Variants in SHANK2 observed in about 807,000 individuals in gnomAD.
SHANK2 encodes SH3 and multiple ankyrin repeat domains protein 2.
A neutral mutation model predicts 133.7 loss-of-function variants in SHANK2; 43 were observed. The ratio of observed to expected loss-of-function variants is 0.32; its 90% CI spans 0.25 to 0.41. SHANK2 has a LOEUF of 0.41. Among genes scored for constraint, SHANK2 ranks in the 10% least tolerant of loss-of-function variants. The pLI is 1.00. For synonymous variants in SHANK2, 1,017 were observed against 952.8 expected, an observed-to-expected ratio of 1.07 and a Z score of -1.24; for missense variants, 1,994 against 2,235.8, an observed-to-expected ratio of 0.89 and a Z score of 2.18.
chr11:70,829,065 C>A (rs116472148), intron 11 of SHANK2, among the ~76,000 whole-genome samples: 1 of 152,184 alleles, frequency 6.6e-6, no homozygotes, highest in Non-Finnish European at 1.5e-5. Flanking sequence ...GCTGCCTTGC[C>A]GGCCACGGAA....
At chr11:70,780,432 T>A (rs1041706569) in intron 14 of SHANK2, among the ~76,000 whole-genome samples, 2 of 151,492 alleles carry the variant, frequency 1.3e-5, no homozygotes, top group Non-Finnish European at 2.9e-5. Flanking sequence ...TCTAAATGAG[T>A]TTTTCCAAAT....
intron 14 of SHANK2, among the ~76,000 whole-genome samples, chr11:70,775,137 C>T (rs1243604379): frequency 5.3e-5 from 8 of 151,924 alleles, no homozygotes; most frequent in Admixed American, 1.3e-4. Context: ...CCAGTCTGGG[C>T]GACAAAGGCA....
In SHANK2 at chr11:70,473,334, G is replaced by A. The variant is rs2058620566; in HGVS notation, c.5085C>T (p.Pro1695=). The change falls in exon 26 of 26, where the codon CCC becomes CCT. Residue 1695 remains proline (P), a synonymous_variant. Transcript: ENST00000601538. This position sits in a 1 kb window ranked among gnomAD's most constrained non-coding sequence, Gnocchi z 5.9. ...SQPITLQSRP[P]DYESRTSGTR... ...TTCCTGAGGTCCTGCTTTCATAGTC[G>A]GGGGGCCGGCTCTGCAGGGTGATGG... The A allele has an allele frequency of 1.2e-6, 2 of 1,613,368 alleles. No homozygotes were observed. The highest frequency in any genetic ancestry group is 1.1e-5 in the South Asian group (1 of 91,078).
rs1953326745 is a variant in SHANK2, at chr11:71,172,134, TGCTAGGA to T, written c.-12-24803_-12-24797del. Among the ~76,000 whole-genome samples, 16 of 152,180 alleles carry T rather than the reference TGCTAGGA, an allele frequency of 1.1e-4. No homozygotes were observed. The South Asian group carries it at 3.3e-3, about 32-fold the overall frequency. Reference sequence around the variant, plus strand: ...CATGTAACCAAAAGGAGCAAACAATTGCTAGGATTTCCAACACAGTGATTCCCACCTG... The same window carrying T: ...CATGTAACCAAAAGGAGCAAACAATTTTTCCAACACAGTGATTCCCACCTG... On this transcript the variant is annotated intron_variant, in intron 2 of 25. Coordinates refer to ENST00000601538, the MANE Select transcript of SHANK2 (RefSeq NM_012309.5).
intron 14 of SHANK2, among the ~76,000 whole-genome samples, chr11:70,778,880 G>A (rs1319291528): frequency 2.6e-5 from 4 of 152,144 alleles, no homozygotes; most frequent in Non-Finnish European, 5.9e-5. Context: ...CCATGTCACT[G>A]CCCTTCTCTC....
Position 71,188,548 on chromosome 11 carries a change from G to T in SHANK2, c.-13+36149C>A, listed in dbSNP as rs574686642. On this transcript the variant is annotated intron_variant, in intron 2 of 25. Coordinates refer to ENST00000601538, the MANE Select transcript of SHANK2 (RefSeq NM_012309.5). The surrounding 1 kb of genome is among the most constrained non-coding windows in gnomAD (Gnocchi z 4.6). ...CACAGGAATACTGAGTAATTGAAAGGTGGAAATAAACGAGGCCCCATGAAT... is the reference window on the plus strand; with the variant it reads ...CACAGGAATACTGAGTAATTGAAAGTTGGAAATAAACGAGGCCCCATGAAT... Among the ~76,000 whole-genome samples, 34 of 152,366 alleles carry T rather than the reference G, an allele frequency of 2.2e-4. No homozygotes were observed. Among genetic ancestry groups the T allele is most frequent in the African/African-American group, 8.2e-4 (34 of 41,592 alleles).
intron 17 of SHANK2, among the ~76,000 whole-genome samples, chr11:70,545,123 C>T (rs7110358): frequency 0.96 from 146,799 of 152,284 alleles, 71,009 homozygotes; most frequent in East Asian, 1. Flanking sequence ...TCTGATTCCC[C>T]GATCACCACC....
intron 10 of SHANK2, chr11:70,943,075 C>A (rs1555084673): frequency 4.4e-6 from 2 of 456,670 alleles, no homozygotes; most frequent in Admixed American, 2.4e-5. Context: ...GCAGAGGAAG[C>A]ACTTCGGCTC....
Position 71,221,893 on chromosome 11 carries a change from T to C in SHANK2, c.-13+2804A>G, listed in dbSNP as rs1327243970. Among the ~76,000 whole-genome samples, 3 of 152,056 alleles carry C rather than the reference T, an allele frequency of 2.0e-5. No individual in the cohort carries two copies. In the East Asian group the frequency reaches 5.8e-4, roughly 29 times the overall value. ...TGAGGTGCCCACAAGACAATGTTCA[T>C]GATCAATGAATGGGGGTCTGAGGAC... On this transcript the variant is annotated intron_variant, in intron 2 of 25. Transcript: ENST00000601538.
chr11:70,800,624 T>C (rs1402558389), intron 13 of SHANK2, among the ~76,000 whole-genome samples: 1 of 152,160 alleles, frequency 6.6e-6, no homozygotes, highest in Admixed American at 6.5e-5. Flanking sequence ...CCTGAAGAAA[T>C]GACCTAACTG....
chr11:70,850,509 T>C (rs1390634774), intron 11 of SHANK2, among the ~76,000 whole-genome samples: 3 of 152,208 alleles, frequency 2.0e-5, no homozygotes, highest in African/African-American at 7.2e-5. Flanking sequence ...AGGAACTCTC[T>C]GGGACAGTGT....
intron 15 of SHANK2, among the ~76,000 whole-genome samples, chr11:70,688,404 C>T (rs1441590863): frequency 1.3e-5 from 2 of 152,140 alleles, no homozygotes; most frequent in African/African-American, 2.4e-5. Flanking sequence ...TCGGAGCACA[C>T]CTAATTTCGT....
chr11:70,486,030 A>C lies in SHANK2; in HGVS notation c.4263T>G (p.Phe1421Leu), dbSNP rs1555153223. The change falls in exon 25 of 26, where the codon TTT (phenylalanine) becomes TTG (leucine). Residue 1421 changes from phenylalanine to leucine, a missense_variant. Physicochemically the swap from Phe to Leu is conservative, Grantham distance 22. Around this residue, in one of 5 missense-constraint regions of SHANK2, gnomAD observed 797 missense variants for 907.4 expected, o/e 0.88. Coordinates refer to ENST00000601538, the MANE Select transcript of SHANK2 (RefSeq NM_012309.5). The surrounding 1 kb of genome is among the most constrained non-coding windows in gnomAD (Gnocchi z 8.0). Reference protein sequence around the residue: ...LPPPLEFANSFDIPDDRAASV... With the variant: ...LPPPLEFANSLDIPDDRAASV... ...AAGCTGCCCGGTCATCGGGGATATCAAAACTATTTGCAAATTCCAGGGGAG... is the reference window on the plus strand; with the variant it reads ...AAGCTGCCCGGTCATCGGGGATATCCAAACTATTTGCAAATTCCAGGGGAG... The C allele has an allele frequency of 6.2e-7, 1 of 1,614,072 alleles. No homozygotes were observed. The highest frequency in any genetic ancestry group is 1.7e-5 in the Admixed American group (1 of 60,024).
intron 9 of SHANK2, among the ~76,000 whole-genome samples, chr11:71,059,252 GA>G (rs1158388455): frequency 6.6e-6 from 1 of 152,126 alleles, no homozygotes; most frequent in Non-Finnish European, 1.5e-5. Context: ...AATAAAAATA[GA>G]GAGCTGAAAA....
At chr11:70,855,025 C>T (rs3017479) in intron 11 of SHANK2, among the ~76,000 whole-genome samples, 122,085 of 152,256 alleles carry the variant, frequency 0.8, 49,558 homozygotes, top group South Asian at 0.93. Context: ...GGTCTGGGCC[C>T]GGCCCGTAGT....
At chr11:70,685,908 C>G (rs1555019410) in intron 15 of SHANK2, among the ~76,000 whole-genome samples, 1 of 152,120 alleles carries the variant, frequency 6.6e-6, no homozygotes, top group African/African-American at 2.4e-5. Context: ...CCCACCCTTA[C>G]CCCAAGTCAC....
intron 15 of SHANK2, among the ~76,000 whole-genome samples, chr11:70,679,159 AC>A (rs1461307968): frequency 6.6e-6 from 1 of 152,230 alleles, no homozygotes; most frequent in Non-Finnish European, 1.5e-5. Context: ...GGGTACGCAC[AC>A]CATGCCAAGC....
rs1339557746 is a variant in SHANK2, at chr11:70,628,844, G to A, written c.2061+30984C>T. The stretch of plus-strand genomic sequence containing the variant: ...ACTAGGGGAGTGAACAGGTCCCAGA[G>A]GATCACAGTACTGCTGTGGGCTCTG... On this transcript the variant is annotated intron_variant, in intron 17 of 25. Transcript: ENST00000601538. Among the ~76,000 whole-genome samples the A allele has an allele frequency of 3.9e-5, 6 of 152,350 alleles. No homozygotes were observed. The East Asian group carries it at 1.2e-3, about 29-fold the overall frequency.
At chr11:70,596,494 C>T (rs2060403016) in intron 17 of SHANK2, among the ~76,000 whole-genome samples, 2 of 152,202 alleles carry the variant, frequency 1.3e-5, no homozygotes, top group African/African-American at 2.4e-5. Flanking sequence ...GCATCAGGGT[C>T]CTGGTCTGGG....
Sources: gnomAD v4.1 joint callset for allele counts (sites outside exome capture counted in the v4.1 genomes callset) on GRCh38, gnomAD v4.1.1 for gene constraint, gnomAD v4.1.1 regional missense constraint, Gnocchi (gnomAD v3.1) non-coding constraint, MANE v1.5 for transcripts, NCBI Gene and HGNC (gene_info 2026-07-23, HGNC 2026-07-21) for gene names.